Variants in WWTR1 observed in about 807,000 individuals in gnomAD.
WWTR1 encodes the protein WW domain containing transcription regulator 1.
Under a neutral mutation model 40.1 loss-of-function variants are expected in WWTR1, and 13 were observed. That is an observed-to-expected ratio of 0.32 (90% confidence interval 0.21 to 0.52). The LOEUF (loss-of-function observed/expected upper bound fraction) is 0.52. Among genes scored for constraint, WWTR1 ranks in the 20% least tolerant of loss-of-function variants. The probability of loss-of-function intolerance (pLI) is 0.97; values close to 1 mark genes in which losing one functional copy is unlikely to be tolerated. For synonymous variants in WWTR1, 230 were observed against 210.1 expected, an observed-to-expected ratio of 1.09 and a Z score of -0.82; for missense variants, 436 against 523.1, an observed-to-expected ratio of 0.83 and a Z score of 1.63.
At chr3:149,664,880 C>A (rs149530180) in intron 2 of WWTR1, among the ~76,000 whole-genome samples, 1 of 151,860 alleles carries the variant, frequency 6.6e-6, no homozygotes, top group East Asian at 1.9e-4. Flanking sequence ...TGAACCACCG[C>A]GCCCGGCCAG....
chr3:149,588,292 C>T (rs1738525010), intron 2 of WWTR1, among the ~76,000 whole-genome samples: 1 of 152,208 alleles, frequency 6.6e-6, no homozygotes, highest in Admixed American at 6.5e-5. Flanking sequence ...TCAGTAAGAA[C>T]AACTAAGCAG....
chr3:149,586,448 C>T (rs1158205479), intron 2 of WWTR1, among the ~76,000 whole-genome samples: 2 of 152,128 alleles, frequency 1.3e-5, no homozygotes, highest in South Asian at 2.1e-4. Context: ...ATAACCAAAT[C>T]GGGAAACCAT....
At chr3:149,649,096 G>A (rs12487098) in intron 2 of WWTR1, 6,448 of 152,412 alleles carry the variant, frequency 0.042, 406 homozygotes, top group East Asian at 0.18. Flanking sequence ...GGATTCAAGC[G>A]ATTCTCCTGC....
chr3:149,653,829 A>G (rs1238160096), intron 2 of WWTR1, among the ~76,000 whole-genome samples: 1 of 152,190 alleles, frequency 6.6e-6, no homozygotes, highest in Non-Finnish European at 1.5e-5. Context: ...AAATAACCAC[A>G]TGACTTTCCC....
intron 2 of WWTR1, among the ~76,000 whole-genome samples, chr3:149,667,364 G>C (rs766977950): frequency 6.6e-6 from 1 of 151,948 alleles, no homozygotes; most frequent in African/African-American, 2.4e-5. Flanking sequence ...TGGCTAACAT[G>C]GTGAAATCCC....
At chr3:149,651,061 A>G (rs1309250512) in intron 2 of WWTR1, among the ~76,000 whole-genome samples, 1 of 152,196 alleles carries the variant, frequency 6.6e-6, no homozygotes, top group African/African-American at 2.4e-5. Context: ...AAATATGCTC[A>G]TCTTTCAAAC....
chr3:149,695,794 A>G (rs6802768), intron 1 of WWTR1, among the ~76,000 whole-genome samples: 1 of 140,756 alleles, frequency 7.1e-6, no homozygotes, highest in African/African-American at 2.6e-5. Context: ...AAAAGAAAAA[A>G]ATATATATAT....
intron 2 of WWTR1, among the ~76,000 whole-genome samples, chr3:149,604,604 T>TC (rs778601560): frequency 6.6e-6 from 1 of 152,186 alleles, no homozygotes; most frequent in Non-Finnish European, 1.5e-5. Context: ...TAATCCCTAG[T>TC]CCCCTAGCCC....
At chr3:149,692,959 A>G (rs1354767877) in intron 1 of WWTR1, among the ~76,000 whole-genome samples, 1 of 152,108 alleles carries the variant, frequency 6.6e-6, no homozygotes, top group South Asian at 2.1e-4. Flanking sequence ...GTTATTCAAC[A>G]TACTACTGGA....
chr3:149,650,454 C>A (rs1162288202), intron 2 of WWTR1, among the ~76,000 whole-genome samples: 1 of 152,180 alleles, frequency 6.6e-6, no homozygotes, highest in African/African-American at 2.4e-5. Flanking sequence ...TATACCTGTT[C>A]ATGGGATCAC....
At chr3:149,659,037 G>A (rs918523237), upstream of WWTR1, among the ~76,000 whole-genome samples, 1 of 152,148 alleles carries the variant, frequency 6.6e-6, no homozygotes, top group Non-Finnish European at 1.5e-5. Context: ...AAGGGAAGAA[G>A]GTCAAGTCTG....
chr3:149,681,179 T>A (rs558771303), intron 1 of WWTR1, among the ~76,000 whole-genome samples: 1 of 152,222 alleles, frequency 6.6e-6, no homozygotes, highest in South Asian at 2.1e-4. Context: ...TCAATCAAGA[T>A]CAACTTTTTA....
At chr3:149,569,112 T>A (rs1737502929) in intron 3 of WWTR1, among the ~76,000 whole-genome samples, 1 of 152,166 alleles carries the variant, frequency 6.6e-6, no homozygotes, top group African/African-American at 2.4e-5. Flanking sequence ...AAGAAGTTTC[T>A]CCTGGGAGAG....
At chr3:149,571,113 T>TACAC (rs558711232) in intron 3 of WWTR1, among the ~76,000 whole-genome samples, 1 of 151,054 alleles carries the variant, frequency 6.6e-6, no homozygotes, top group South Asian at 2.1e-4. Flanking sequence ...TGATTAAACA[T>TACAC]ACACACACAC....
intron 2 of WWTR1, among the ~76,000 whole-genome samples, chr3:149,636,265 T>C (rs376663072): frequency 6.6e-6 from 1 of 152,188 alleles, no homozygotes; most frequent in South Asian, 2.1e-4. Context: ...CTTAATTAGT[T>C]TTGTTGATAT....
intron 1 of WWTR1, among the ~76,000 whole-genome samples, chr3:149,684,790 C>T (rs934593296): frequency 2.0e-5 from 3 of 152,116 alleles, no homozygotes; most frequent in Admixed American, 6.6e-5. Flanking sequence ...TTTCGAACTC[C>T]TGGGCTCGAG....
chr3:149,542,350 C>T lies in WWTR1; in HGVS notation c.756G>A (p.Glu252=). The change falls in exon 4 of 7, where the codon GAG becomes GAA. Residue 252 remains glutamate (E), a synonymous_variant. Transcript: ENST00000360632. ...AAAGCCATACCTGCCTCATGAGCTC[C>T]TCTTGGCGCATTCGAATCCTTTCTC... The part of the protein sequence containing the change: ...MERERIRMRQ[E]ELMRQEAALC... 6.2e-7 allele frequency: 1 copy of T among 1,613,724 alleles called. No individual in the cohort carries two copies. The highest frequency in any genetic ancestry group is 8.5e-7 in the Non-Finnish European group (1 of 1,179,878).
chr3:149,617,849 G>C (rs1465501664), intron 2 of WWTR1, among the ~76,000 whole-genome samples: 4 of 152,094 alleles, frequency 2.6e-5, no homozygotes, highest in Non-Finnish European at 5.9e-5. Flanking sequence ...CCAATATTCA[G>C]AGTCCAATAT....
chr3:149,592,774 C>T (rs1361929057), intron 2 of WWTR1, among the ~76,000 whole-genome samples: 1 of 152,142 alleles, frequency 6.6e-6, no homozygotes, highest in Non-Finnish European at 1.5e-5. Flanking sequence ...AGTGTGCTTT[C>T]GAAATAAAGC....
Sources: gnomAD v4.1 joint callset for allele counts (sites outside exome capture counted in the v4.1 genomes callset) on GRCh38, gnomAD v4.1.1 for gene constraint, MANE v1.5 for transcripts, NCBI Gene and HGNC (gene_info 2026-07-23, HGNC 2026-07-21) for gene names.